The following KRABD2 variants were observed in gnomAD, a reference collection of about 807,000 sequenced individuals.
KRABD2 encodes KRAB domain-containing protein 2.
At chr17:8,370,224 A>G in the KRABD2 span, 5 of 1,613,288 alleles carry the variant, frequency 3.1e-6, no homozygotes, top group Non-Finnish European at 4.2e-6. Flanking sequence ...TTCTTTGGAA[A>G]ATACCTTGCT....
chr17:8,371,279 G>T, the KRABD2 span: 4 of 1,523,294 alleles, frequency 2.6e-6, no homozygotes, highest in Non-Finnish European at 3.6e-6. Flanking sequence ...TTGTCCACAA[G>T]ATTAATAAAG....
the KRABD2 span, among the ~76,000 whole-genome samples, chr17:8,363,777 A>G: frequency 6.8e-6 from 1 of 147,196 alleles, no homozygotes; most frequent in African/African-American, 2.5e-5. Flanking sequence ...TCATACATAT[A>G]TATGTCATAC....
chr17:8,371,155 G>A, the KRABD2 span, among the ~76,000 whole-genome samples: 1 of 152,064 alleles, frequency 6.6e-6, no homozygotes, highest in South Asian at 2.1e-4. Flanking sequence ...GGGCGACAAA[G>A]CGAGACTGTT....
the KRABD2 span, among the ~76,000 whole-genome samples, chr17:8,365,011 G>C: frequency 2.0e-5 from 3 of 151,144 alleles, no homozygotes; most frequent in African/African-American, 7.3e-5. Flanking sequence ...TCCAGCCTAG[G>C]CAACAAGAAC....
chr17:8,362,675 G>A, the KRABD2 span, among the ~76,000 whole-genome samples: 46 of 152,316 alleles, frequency 3.0e-4, no homozygotes, highest in African/African-American at 1.1e-3. This position sits in a 1 kb window ranked among gnomAD's most constrained non-coding sequence, Gnocchi z 4.2. Flanking sequence ...ACGATGAACT[G>A]GGGGCTGGGG....
chr17:8,366,795 C>A, the KRABD2 span, among the ~76,000 whole-genome samples: 1 of 151,968 alleles, frequency 6.6e-6, no homozygotes, highest in Non-Finnish European at 1.5e-5. Context: ...GATCTCGGCT[C>A]ACTGCAACCT....
the KRABD2 span, among the ~76,000 whole-genome samples, chr17:8,363,853 ATATATATATTTATTTATTTATT>A: frequency 1.5e-5 from 1 of 67,828 alleles, no homozygotes; most frequent in Admixed American, 2.1e-4. Context: ...ATATATATAT[ATATATATATTTATTTATTTATT>A]TATTTATTTT....
chr17:8,370,665 G>T, the KRABD2 span, among the ~76,000 whole-genome samples: 1 of 152,080 alleles, frequency 6.6e-6, no homozygotes, highest in Non-Finnish European at 1.5e-5. Flanking sequence ...TTAGCTTATA[G>T]CAAGAAACCT....
chr17:8,369,923 T>C, the KRABD2 span: 89 of 1,614,126 alleles, frequency 5.5e-5, no homozygotes, highest in Non-Finnish European at 7.5e-5. Flanking sequence ...GAGTCAGATA[T>C]AAGACAATAA....
chr17:8,371,052 C>G, the KRABD2 span, among the ~76,000 whole-genome samples: 1 of 152,028 alleles, frequency 6.6e-6, no homozygotes. Context: ...GCCTGTAATC[C>G]CAGCTACTCG....
the KRABD2 span, chr17:8,359,994 G>A: frequency 2.6e-6 from 1 of 379,326 alleles, no homozygotes; most frequent in Non-Finnish European, 5.3e-6. Flanking sequence ...CCAAAGTTAG[G>A]AGTGAGCCAT....
the KRABD2 span, among the ~76,000 whole-genome samples, chr17:8,367,956 G>A: frequency 7.4e-5 from 8 of 108,326 alleles, no homozygotes; most frequent in Non-Finnish European, 3.8e-5. Context: ...AAAGTTAAGA[G>A]CAAAAAAAAA....
the KRABD2 span, among the ~76,000 whole-genome samples, chr17:8,362,009 T>C: frequency 6.6e-6 from 1 of 152,186 alleles, no homozygotes; most frequent in South Asian, 2.1e-4. The surrounding 1 kb of genome is among the most constrained non-coding windows in gnomAD (Gnocchi z 4.2). Context: ...ACTGACTTTG[T>C]AGGATCGTAA....
the KRABD2 span, chr17:8,371,969 G>A: frequency 7.1e-6 from 7 of 987,802 alleles, no homozygotes; most frequent in African/African-American, 8.7e-5. Flanking sequence ...AGACAGGATG[G>A]TGATGAGGCC....
chr17:8,376,170 C>G, the KRABD2 span: 2 of 1,231,528 alleles, frequency 1.6e-6, no homozygotes, highest in Admixed American at 4.2e-5. Flanking sequence ...GAATACAGAG[C>G]TGAGCACAAA....
chr17:8,367,618 G>A, the KRABD2 span, among the ~76,000 whole-genome samples: 5 of 148,254 alleles, frequency 3.4e-5, no homozygotes, highest in African/African-American at 1.2e-4. Flanking sequence ...AGCCCAGATT[G>A]TGCCACTGCA....
chr17:8,369,594 T>C, the KRABD2 span: 11 of 1,614,106 alleles, frequency 6.8e-6, no homozygotes, highest in Admixed American at 1.7e-5. Flanking sequence ...TGGCCACAAC[T>C]CATTGAGCTC....
At chr17:8,363,811 C>A in the KRABD2 span, among the ~76,000 whole-genome samples, 4 of 104,900 alleles carry the variant, frequency 3.8e-5, no homozygotes, top group Middle Eastern at 4.9e-3. Flanking sequence ...ATATATATAT[C>A]ATACATATAT....
chr17:8,362,608 G>A, the KRABD2 span, among the ~76,000 whole-genome samples: 2 of 152,144 alleles, frequency 1.3e-5, no homozygotes, highest in Non-Finnish European at 2.9e-5. This position sits in a 1 kb window ranked among gnomAD's most constrained non-coding sequence, Gnocchi z 4.2. Context: ...CATTTATTTT[G>A]CACATGACTC....
Sources: gnomAD v4.1 joint callset for allele counts (sites outside exome capture counted in the v4.1 genomes callset) on GRCh38, gnomAD v4.1.1 for gene constraint, Gnocchi (gnomAD v3.1) non-coding constraint, MANE v1.5 for transcripts, NCBI Gene and HGNC (gene_info 2026-07-23, HGNC 2026-07-21) for gene names.